The following CDS2 variants were observed in gnomAD, a reference collection of about 807,000 sequenced individuals.
The protein encoded by CDS2 is phosphatidate cytidylyltransferase 2.
CDS2 carries 47 observed loss-of-function variants against 59.0 expected under a neutral mutation model. The observed-to-expected ratio is 0.80, with a 90% CI of 0.63 to 1.02. The LOEUF (loss-of-function observed/expected upper bound fraction) is 1.02. Among genes scored for constraint, CDS2 ranks in the 50% least tolerant of loss-of-function variants. The probability of loss-of-function intolerance (pLI) is 0.00; values close to 1 mark genes in which losing one functional copy is unlikely to be tolerated. For missense variants in CDS2, 356 were observed against 558.9 expected, an observed-to-expected ratio of 0.64 and a Z score of 3.66; for synonymous variants, 207 against 206.4, an observed-to-expected ratio of 1.00 and a Z score of -0.02.
At chr20:5,163,038 A>C (rs1482484016) in intron 1 of CDS2, among the ~76,000 whole-genome samples, 4 of 152,240 alleles carry the variant, frequency 2.6e-5, no homozygotes, top group African/African-American at 9.6e-5. Flanking sequence ...TGCTGGGGTA[A>C]TGGATATTTG....
intron 5 of CDS2, among the ~76,000 whole-genome samples, chr20:5,181,417 G>C (rs950658809): frequency 1.3e-5 from 2 of 152,220 alleles, no homozygotes; most frequent in Non-Finnish European, 2.9e-5. Flanking sequence ...GACCCCAAGA[G>C]AGTGTTATTG....
chr20:5,168,561 A>AC, intron 1 of CDS2: 1 of 515,854 alleles, frequency 1.9e-6, no homozygotes, highest in Non-Finnish European at 3.9e-6. Flanking sequence ...TCAAACACTG[A>AC]CCATCACTAC....
intron 8 of CDS2, 106 bp from the exon 9 acceptor site, chr20:5,185,652 A>T: frequency 1.0e-6 from 1 of 961,332 alleles, no homozygotes; most frequent in Non-Finnish European, 1.6e-6. Flanking sequence ...TGACATGGTT[A>T]AGAGAATGGG....
chr20:5,180,414 T>A (rs2091025529), intron 5 of CDS2, among the ~76,000 whole-genome samples: 1 of 152,176 alleles, frequency 6.6e-6, no homozygotes. Context: ...GGTTATTTCT[T>A]GATTATATGC....
chr20:5,150,466 G>A (rs2090779819), intron 1 of CDS2, among the ~76,000 whole-genome samples: 1 of 152,216 alleles, frequency 6.6e-6, no homozygotes, highest in Non-Finnish European at 1.5e-5. Flanking sequence ...GTTGGCCAAA[G>A]AGCCCCTAAC....
chr20:5,173,467 T>C, intron 1 of CDS2, 56 bp from the exon 2 acceptor site: 1 of 1,602,086 alleles, frequency 6.2e-7, no homozygotes, highest in Non-Finnish European at 8.5e-7. Context: ...CATAGACTTC[T>C]CAATGGTCTA....
At chr20:5,147,151 G>A (rs1410216511) in intron 1 of CDS2, among the ~76,000 whole-genome samples, 1 of 152,232 alleles carries the variant, frequency 6.6e-6, no homozygotes, top group African/African-American at 2.4e-5. Context: ...TACAGTGGAA[G>A]AAAAGGAGAA....
chr20:5,147,891 T>C (rs1210114963), intron 1 of CDS2, among the ~76,000 whole-genome samples: 2 of 152,140 alleles, frequency 1.3e-5, no homozygotes, highest in Non-Finnish European at 2.9e-5. Context: ...TTCAGCTCTG[T>C]GTCCCTCATT....
chr20:5,156,875 T>A (rs1178983655), intron 1 of CDS2, among the ~76,000 whole-genome samples: 1 of 152,204 alleles, frequency 6.6e-6, no homozygotes, highest in Non-Finnish European at 1.5e-5. Context: ...TTCCTCCTGG[T>A]GGCTCCAGAA....
At chr20:5,134,712 G>C (rs1339507446) in intron 1 of CDS2, among the ~76,000 whole-genome samples, 3 of 152,016 alleles carry the variant, frequency 2.0e-5, no homozygotes, top group Non-Finnish European at 4.4e-5. Context: ...GTAGAGACAG[G>C]GTTTCACCAT....
rs545770258 is a variant in CDS2, at chr20:5,149,403, A to G, written c.57+22254A>G. Among the ~76,000 whole-genome samples, 6 of 152,188 alleles carry G rather than the reference A, an allele frequency of 3.9e-5. No homozygotes were observed. In the East Asian group the frequency reaches 9.6e-4, roughly 24 times the overall value. On this transcript the variant is annotated intron_variant, in intron 1 of 12. Transcript: ENST00000460006. ...TTGAAGAAGTTGGACCCTTTGTTACATGCTGCAGATTTTTCTCAATTTGTC... is the reference window on the plus strand; with the variant it reads ...TTGAAGAAGTTGGACCCTTTGTTACGTGCTGCAGATTTTTCTCAATTTGTC...
At position 5,184,049 on chromosome 20, in the gene CDS2, C is replaced by A. The variant is rs191029015; in HGVS notation, c.672-809C>A. ...GCGTGGCAGGTGCCTGTAATCCTAGCTATTCCGGAGGCTGAGGCAGGAGAA... is the reference window on the plus strand; with the variant it reads ...GCGTGGCAGGTGCCTGTAATCCTAGATATTCCGGAGGCTGAGGCAGGAGAA... On this transcript the variant is annotated intron_variant, in intron 7 of 12. Coordinates refer to ENST00000460006, the MANE Select transcript of CDS2 (RefSeq NM_003818.4). The surrounding 1 kb of genome is among the most constrained non-coding windows in gnomAD (Gnocchi z 4.3). Among the ~76,000 whole-genome samples the A allele has an allele frequency of 1.5e-3, 231 of 152,208 alleles. No homozygotes were observed. Among genetic ancestry groups the A allele is most frequent in the African/African-American group, 5.2e-3 (214 of 41,524 alleles).
At chr20:5,172,866 G>C (rs1437376636) in intron 1 of CDS2, among the ~76,000 whole-genome samples, 1 of 152,144 alleles carries the variant, frequency 6.6e-6, no homozygotes, top group South Asian at 2.1e-4. Flanking sequence ...CTTGCTGCTG[G>C]CATGGCTCTG....
In CDS2 at chr20:5,190,181, C is replaced by T. The variant is rs904904787; in HGVS notation, c.1285C>T (p.Arg429Trp). 3.1e-6 allele frequency: 5 copies of T among 1,614,024 alleles called. No homozygotes were observed. The highest frequency in any genetic ancestry group is 2.2e-5 in the East Asian group (1 of 44,874). ...GCAGCTCCACATCTTCAACACGCTG[C>T]GGTCTCATCTGATCGACAAAGGGAT... ...DQQLHIFNTL[R>W]SHLIDKGMLT... Residue 429 changes from arginine (R) to tryptophan (W), a missense_variant, in exon 13 of 13, where the codon CGG becomes TGG. Physicochemically the swap from Arg to Trp is moderately radical, Grantham distance 101. Around this residue, in one of 5 missense-constraint regions of CDS2, gnomAD observed 33 missense variants for 27.9 expected, o/e 1.18. Transcript: ENST00000460006.
At chr20:5,145,386 G>C (rs1008175707) in intron 1 of CDS2, among the ~76,000 whole-genome samples, 4 of 152,012 alleles carry the variant, frequency 2.6e-5, no homozygotes, top group Non-Finnish European at 5.9e-5. Context: ...GAATAGCCAC[G>C]TTCTCTGCAG....
chr20:5,172,397 TAC>T (rs1178459051), intron 1 of CDS2, among the ~76,000 whole-genome samples: 1 of 152,030 alleles, frequency 6.6e-6, no homozygotes, highest in Non-Finnish European at 1.5e-5. Context: ...CATAAACCAC[TAC>T]AAATCAATAA....
rs117238879 is a variant in CDS2 at position 5,146,163 on chromosome 20, G to A, written c.57+19014G>A. Among the ~76,000 whole-genome samples the A allele has an allele frequency of 4.6e-5, 7 of 152,276 alleles. No homozygotes were observed. In the East Asian group the frequency reaches 1.4e-3, roughly 29 times the overall value. On this transcript the variant is annotated intron_variant, in intron 1 of 12. Coordinates refer to ENST00000460006, the MANE Select transcript of CDS2 (RefSeq NM_003818.4). ...AGCTGGCATTACAACATAGAAGCAG[G>A]CAGTTGCAACACTTTTGTTGACATT...
chr20:5,147,841 G>T (rs1386622042), intron 1 of CDS2, among the ~76,000 whole-genome samples: 1 of 152,106 alleles, frequency 6.6e-6, no homozygotes, highest in Non-Finnish European at 1.5e-5. Flanking sequence ...ATTGCACCCG[G>T]CAGGGCACAC....
rs534394228 is a variant in CDS2, at chr20:5,175,631, C to T, written c.291+352C>T. 1.5e-4 allele frequency: 29 copies of T among 190,566 alleles called. No individual in the cohort carries two copies. The East Asian group carries it at 4.2e-3, about 28-fold the overall frequency. 11.8% of individuals were successfully genotyped at this position (190,566 alleles called of 1,614,324 possible). ...TGAAACCCTGTCTCTACTAAAAATA[C>T]AAAAATTAGCCACGCGTGGTGGCAC... On this transcript the variant is annotated intron_variant, in intron 3 of 12. Transcript: ENST00000460006.
Sources: gnomAD v4.1 joint callset for allele counts (sites outside exome capture counted in the v4.1 genomes callset) on GRCh38, gnomAD v4.1.1 for gene constraint, gnomAD v4.1.1 regional missense constraint, Gnocchi (gnomAD v3.1) non-coding constraint, MANE v1.5 for transcripts, NCBI Gene and HGNC (gene_info 2026-07-23, HGNC 2026-07-21) for gene names.